F8: variants seen among roughly 807,000 people sequenced by gnomAD.
F8 encodes the protein antihemophilic factor.
A neutral mutation model predicts 140.6 loss-of-function variants in F8; 12 were observed. The observed-to-expected ratio is 0.09, with a 90% CI of 0.05 to 0.14. The LOEUF is 0.14. Ranked by LOEUF, F8 falls within the 10% of genes least tolerant of loss-of-function variation. The pLI, the probability that F8 is intolerant of heterozygous loss-of-function variation, is 1.00. For missense variants in F8, 1,354 were observed against 1,720.7 expected, an observed-to-expected ratio of 0.79 and a Z score of 3.77; for synonymous variants, 585 against 614.6, an observed-to-expected ratio of 0.95 and a Z score of 0.71.
chrX:154,981,115 T>C (rs1171040585), intron 6 of F8, among the ~76,000 whole-genome samples: 2 of 111,440 alleles, frequency 1.8e-5, no homozygotes, highest in Non-Finnish European at 3.8e-5. Context: ...AGTTTTCCGG[T>C]GTAAAAACCG....
intron 22 of F8, among the ~76,000 whole-genome samples, chrX:154,877,545 T>A (rs1557274126): frequency 9.0e-6 from 1 of 110,766 alleles, no homozygotes; most frequent in African/African-American, 3.3e-5. Flanking sequence ...CAGGCTGGAG[T>A]GCAGTGGCGC....
At chrX:154,839,139 G>A (rs1165009594) in intron 25 of F8, among the ~76,000 whole-genome samples, 2 of 109,733 alleles carry the variant, frequency 1.8e-5, no homozygotes, top group Non-Finnish European at 3.8e-5. Context: ...TAACATGAGA[G>A]CCTTTGTATA....
intron 14 of F8, among the ~76,000 whole-genome samples, chrX:154,914,069 T>C (rs2073082203): frequency 8.8e-6 from 1 of 113,001 alleles, no homozygotes; most frequent in Non-Finnish European, 1.9e-5. Context: ...GAAATCTAGG[T>C]GGACATTCCC....
intron 1 of F8, among the ~76,000 whole-genome samples, chrX:155,009,137 C>A (rs1301117859): frequency 1.9e-5 from 2 of 105,927 alleles, no homozygotes; most frequent in Admixed American, 1.0e-4. Flanking sequence ...GGCCGGACTG[C>A]GGACTGCAGT....
intron 10 of F8, among the ~76,000 whole-genome samples, chrX:154,958,573 A>T (rs1272809643): frequency 8.9e-6 from 1 of 111,812 alleles, no homozygotes; most frequent in Non-Finnish European, 1.9e-5. Flanking sequence ...AAGAAATGCA[A>T]ATAAAGAATT....
At chrX:154,864,407 T>A (rs184330318) in intron 22 of F8, among the ~76,000 whole-genome samples, 1 of 112,624 alleles carries the variant, frequency 8.9e-6, no homozygotes, top group African/African-American at 3.2e-5. Flanking sequence ...TGCTAGGCTA[T>A]GTGGATCATG....
chrX:154,898,411 T>G (rs149886507), intron 21 of F8, among the ~76,000 whole-genome samples: 1 of 112,471 alleles, frequency 8.9e-6, no homozygotes, highest in Non-Finnish European at 1.9e-5. Context: ...GATTTGTAAC[T>G]GGTTTAATTA....
At chrX:154,876,570 T>C (rs1398001617) in intron 22 of F8, among the ~76,000 whole-genome samples, 2 of 111,981 alleles carry the variant, frequency 1.8e-5, no homozygotes, top group African/African-American at 6.5e-5. Flanking sequence ...GGGGTTAAAA[T>C]AGAATGAATA....
chrX:154,890,671 A>G (rs2072936998), intron 22 of F8, among the ~76,000 whole-genome samples: 1 of 112,399 alleles, frequency 8.9e-6, no homozygotes, highest in African/African-American at 3.2e-5. Flanking sequence ...ATATGACTCT[A>G]ATGTGCACAT....
chrX:154,939,984 G>T (rs889829881), intron 13 of F8, among the ~76,000 whole-genome samples: 1 of 112,102 alleles, frequency 8.9e-6, no homozygotes, highest in African/African-American at 3.2e-5. Flanking sequence ...CTAACAAACA[G>T]AAAGGACATC....
At chrX:154,993,598 A>G (rs2073601345) in intron 3 of F8, among the ~76,000 whole-genome samples, 1 of 112,033 alleles carries the variant, frequency 8.9e-6, no homozygotes, top group African/African-American at 3.2e-5. Flanking sequence ...GCAGCCACAA[A>G]TGGGGAGAAG....
intron 23 of F8, among the ~76,000 whole-genome samples, chrX:154,862,431 G>C (rs782011612): frequency 3.6e-5 from 4 of 110,922 alleles, no homozygotes; most frequent in Non-Finnish European, 7.6e-5. Context: ...AGATTCTAGG[G>C]GTACATGGGT....
At chrX:154,873,151 A>G (rs1323628611) in intron 22 of F8, among the ~76,000 whole-genome samples, 2 of 110,716 alleles carry the variant, frequency 1.8e-5, no homozygotes, top group South Asian at 3.8e-4. Context: ...CAAAATCTCA[A>G]TGGTGTTCTT....
At chrX:154,901,219 G>T in intron 20 of F8, 152 bp downstream of exon 20, 1 of 491,998 alleles carries the variant, frequency 2.0e-6, no homozygotes, top group Non-Finnish European at 3.7e-6. Flanking sequence ...GCCACAGTGG[G>T]AAGTGGAGAG....
At chrX:154,892,574 A>G in intron 22 of F8, among the ~76,000 whole-genome samples, 1 of 112,606 alleles carries the variant, frequency 8.9e-6, no homozygotes, top group African/African-American at 3.2e-5. Context: ...TATATTAGCA[A>G]CATAACCTTA....
chrX:154,935,950 C>A (rs1419140553), intron 13 of F8, among the ~76,000 whole-genome samples: 1 of 102,305 alleles, frequency 9.8e-6, no homozygotes, highest in East Asian at 2.9e-4. Flanking sequence ...TACCAAATTA[C>A]AGATTGAATA....
At chrX:154,839,608 C>T (rs180847221) in intron 25 of F8, among the ~76,000 whole-genome samples, 18 of 110,848 alleles carry the variant, frequency 1.6e-4, no homozygotes, top group East Asian at 2.9e-4. Flanking sequence ...GTGATCCACC[C>T]GCCTCGGCCT....
intron 2 of F8, among the ~76,000 whole-genome samples, chrX:154,998,305 C>T (rs1377908836): frequency 2.7e-5 from 3 of 113,163 alleles, no homozygotes; most frequent in East Asian, 2.8e-4. Flanking sequence ...TTGGCAGCTT[C>T]GCTGCTTTCC....
intron 25 of F8, among the ~76,000 whole-genome samples, chrX:154,853,116 G>T (rs2072628187): frequency 9.1e-6 from 1 of 110,476 alleles, no homozygotes; most frequent in Admixed American, 9.6e-5. Context: ...TCTTTCAACT[G>T]GGTTTTTTTG....
Sources: allele counts gnomAD v4.1 joint callset (sites outside exome capture counted in the v4.1 genomes callset), GRCh38; gene constraint gnomAD v4.1.1; transcripts MANE v1.5; gene names NCBI Gene and HGNC (gene_info 2026-07-23, HGNC 2026-07-21).